CFDP1: variants seen among roughly 807,000 people sequenced by gnomAD.
The protein encoded by CFDP1 is heterochromatin-stabilizing protein CFDP1.
A neutral mutation model predicts 40.1 loss-of-function variants in CFDP1; 31 were observed. The ratio of observed to expected loss-of-function variants is 0.77; its 90% CI spans 0.58 to 1.04. The LOEUF is 1.04. Among genes scored for constraint, CFDP1 ranks in the 50% least tolerant of loss-of-function variants. CFDP1 has a pLI of 0.00. For missense variants in CFDP1, 423 were observed against 343.4 expected, an observed-to-expected ratio of 1.23 and a Z score of -1.83; for synonymous variants, 167 against 120.0, an observed-to-expected ratio of 1.39 and a Z score of -2.56.
In CFDP1 at chr16:75,364,059, T is replaced by A. The variant is rs74449181; in HGVS notation, c.650+31031A>T. 3.3e-5 allele frequency among the ~76,000 whole-genome samples: 5 copies of A among 151,910 alleles called. No homozygotes were observed. The East Asian group carries it at 9.7e-4, about 29-fold the overall frequency. On this transcript the variant is annotated intron_variant, in intron 5 of 6. Transcript: ENST00000283882. Reference sequence around the variant, plus strand: ...ATACTAGTGGGAACCTAATTTAGATTGGAGATGTGTCCTCTGAGGTACTTC... The same window carrying A: ...ATACTAGTGGGAACCTAATTTAGATAGGAGATGTGTCCTCTGAGGTACTTC...
intron 5 of CFDP1, among the ~76,000 whole-genome samples, chr16:75,312,942 C>G (rs1277786318): frequency 1.3e-5 from 2 of 152,160 alleles, no homozygotes; most frequent in Admixed American, 1.3e-4. Context: ...GGTATAGGGG[C>G]TCTGAAGTGA....
intron 5 of CFDP1, among the ~76,000 whole-genome samples, chr16:75,336,360 T>G (rs959565122): frequency 2.6e-5 from 4 of 152,156 alleles, no homozygotes; most frequent in Non-Finnish European, 5.9e-5. Flanking sequence ...TGGGGAGGCC[T>G]CTCTGAGAAG....
chr16:75,416,527 G>A (rs1460838130), intron 1 of CFDP1, among the ~76,000 whole-genome samples: 2 of 150,316 alleles, frequency 1.3e-5, no homozygotes, highest in South Asian at 2.1e-4. Context: ...TTGGGAGGCC[G>A]AGGCAGGTGG....
At chr16:75,377,546 TAAAGA>T (rs1310413097) in intron 5 of CFDP1, among the ~76,000 whole-genome samples, 2 of 151,460 alleles carry the variant, frequency 1.3e-5, no homozygotes, top group Non-Finnish European at 2.9e-5. Context: ...ACAAAAGAAA[TAAAGA>T]AAAGAAAAAG....
At chr16:75,319,386 G>C (rs778118833) in intron 5 of CFDP1, among the ~76,000 whole-genome samples, 13 of 152,268 alleles carry the variant, frequency 8.5e-5, no homozygotes, top group Admixed American at 2.0e-4. Flanking sequence ...AATTCCAAAT[G>C]AGGAGGAGAT....
chr16:75,365,949 G>A (rs1012000107), intron 5 of CFDP1, among the ~76,000 whole-genome samples: 3 of 152,130 alleles, frequency 2.0e-5, no homozygotes, highest in African/African-American at 7.2e-5. Context: ...AATGTAAAAT[G>A]GTGTGACCAC....
chr16:75,390,072 G>A (rs1163986801), intron 5 of CFDP1, among the ~76,000 whole-genome samples: 1 of 152,098 alleles, frequency 6.6e-6, no homozygotes, highest in Admixed American at 6.6e-5. Context: ...GTTCCATCAG[G>A]GCTTTCAAAG....
intron 6 of CFDP1, among the ~76,000 whole-genome samples, chr16:75,294,433 T>C (rs1323039531): frequency 1.3e-5 from 2 of 152,190 alleles, no homozygotes; most frequent in African/African-American, 4.8e-5. Context: ...ATGGTGATGC[T>C]GTTTTTCTTG....
At chr16:75,397,681 C>A (rs2079008551) in intron 4 of CFDP1, among the ~76,000 whole-genome samples, 1 of 151,972 alleles carries the variant, frequency 6.6e-6, no homozygotes, top group Non-Finnish European at 1.5e-5. Context: ...GGCAGGTACA[C>A]CTGTATCCTA....
intron 5 of CFDP1, among the ~76,000 whole-genome samples, chr16:75,361,117 C>G (rs1019098114): frequency 1.3e-5 from 2 of 152,120 alleles, no homozygotes; most frequent in Non-Finnish European, 2.9e-5. Context: ...TCAAGTGATT[C>G]TCCTGCCTCA....
At chr16:75,372,658 G>C (rs550090591) in intron 5 of CFDP1, 3 of 152,288 alleles carry the variant, frequency 2.0e-5, no homozygotes, top group African/African-American at 7.2e-5. Context: ...TTGCTCAACT[G>C]TTTGCAAAGT....
At chr16:75,425,424 G>C (rs546454659) in intron 1 of CFDP1, among the ~76,000 whole-genome samples, 2 of 145,076 alleles carry the variant, frequency 1.4e-5, no homozygotes, top group East Asian at 2.0e-4. Context: ...TATATGGAAA[G>C]GCAAAGGAAC....
intron 5 of CFDP1, among the ~76,000 whole-genome samples, chr16:75,363,341 C>T (rs1486755102): frequency 6.6e-6 from 1 of 150,776 alleles, no homozygotes; most frequent in East Asian, 1.9e-4. Context: ...ATACTTACTG[C>T]TCATCTAGTG....
At chr16:75,405,518 C>G (rs761611295) in intron 4 of CFDP1, among the ~76,000 whole-genome samples, 28 of 151,666 alleles carry the variant, frequency 1.8e-4, no homozygotes, top group East Asian at 1.9e-4. Context: ...GAGGCTGAGG[C>G]GGGCAGATCA....
rs766399657 is a variant in CFDP1, at chr16:75,405,759, A to AAC, written c.530+6065_530+6066insGT. Among the ~76,000 whole-genome samples the AAC allele has an allele frequency of 1.2e-4, 18 of 150,394 alleles. 3 individuals carry two copies. Among genetic ancestry groups the AAC allele is most frequent in the Admixed American group, 5.3e-4 (8 of 14,988 alleles). On this transcript the variant is annotated intron_variant, in intron 4 of 6. Transcript: ENST00000283882. ...AGTGAGACTCCATCTCAAAAAAAAAAAAAAAACAAATGAGCCAGGCGTGGT... is the reference window on the plus strand; with the variant it reads ...AGTGAGACTCCATCTCAAAAAAAAAAACAAAAAACAAATGAGCCAGGCGTGGT...
chr16:75,367,623 T>C (rs539699315), intron 5 of CFDP1, among the ~76,000 whole-genome samples: 1 of 150,972 alleles, frequency 6.6e-6, no homozygotes, highest in South Asian at 2.1e-4. Flanking sequence ...TGAAACCCCA[T>C]CTCTACTAAA....
intron 5 of CFDP1, among the ~76,000 whole-genome samples, chr16:75,386,858 T>C (rs977031214): frequency 7.2e-5 from 11 of 152,374 alleles, no homozygotes; most frequent in Admixed American, 5.9e-4. Context: ...TCTCCATTCA[T>C]ACTTATCTCA....
At chr16:75,359,011 A>G (rs1466493913) in intron 5 of CFDP1, among the ~76,000 whole-genome samples, 1 of 152,218 alleles carries the variant, frequency 6.6e-6, no homozygotes, top group Non-Finnish European at 1.5e-5. Context: ...AGGATAACCA[A>G]AATTATCAAA....
At chr16:75,357,952 A>G (rs1332767420) in intron 5 of CFDP1, among the ~76,000 whole-genome samples, 1 of 151,970 alleles carries the variant, frequency 6.6e-6, no homozygotes, top group Non-Finnish European at 1.5e-5. Flanking sequence ...GAGAGATGTG[A>G]CTCTTCCTTT....
Sources: allele counts gnomAD v4.1 joint callset (sites outside exome capture counted in the v4.1 genomes callset), GRCh38; gene constraint gnomAD v4.1.1; transcripts MANE v1.5; gene names NCBI Gene and HGNC (gene_info 2026-07-23, HGNC 2026-07-21).